CREB3L2: variants seen among roughly 807,000 people sequenced by gnomAD.
CREB3L2 encodes cyclic AMP-responsive element-binding protein 3-like protein 2.
In CREB3L2, 23 loss-of-function variants were observed where a neutral mutation model predicts 57.2. That is an observed-to-expected ratio of 0.40 (90% confidence interval 0.29 to 0.57). The LOEUF (loss-of-function observed/expected upper bound fraction) is 0.57, where lower values mean the gene tolerates loss of function less well. Ranked by LOEUF, CREB3L2 falls within the 20% of genes least tolerant of loss-of-function variation. CREB3L2 has a pLI of 0.42. For missense variants in CREB3L2, 628 were observed against 634.7 expected, an observed-to-expected ratio of 0.99 and a Z score of 0.11; for synonymous variants, 268 against 265.1, an observed-to-expected ratio of 1.01 and a Z score of -0.11.
chr7:137,948,660 A>C (rs924308680), intron 1 of CREB3L2, among the ~76,000 whole-genome samples: 2 of 152,242 alleles, frequency 1.3e-5, no homozygotes, highest in Non-Finnish European at 2.9e-5. Context: ...TGCTGGGCTC[A>C]CCATAAGACT....
At chr7:137,912,424 A>C (rs374665168) in intron 4 of CREB3L2, among the ~76,000 whole-genome samples, 1 of 152,204 alleles carries the variant, frequency 6.6e-6, no homozygotes. Context: ...TGTTAATTCT[A>C]AATGGATGGA....
chr7:137,919,014 A>AG (rs1294911206), intron 2 of CREB3L2, among the ~76,000 whole-genome samples: 1 of 152,188 alleles, frequency 6.6e-6, no homozygotes, highest in Non-Finnish European at 1.5e-5. Context: ...CATTTCCAAG[A>AG]GAGAAGCCCA....
At chr7:137,967,822 T>C (rs1801433621) in intron 1 of CREB3L2, among the ~76,000 whole-genome samples, 1 of 152,182 alleles carries the variant, frequency 6.6e-6, no homozygotes, top group African/African-American at 2.4e-5. Context: ...CTGCATGAAC[T>C]TCCAACCATC....
chr7:137,890,547 C>T (rs1227353428), intron 8 of CREB3L2, among the ~76,000 whole-genome samples: 1 of 152,332 alleles, frequency 6.6e-6, no homozygotes, highest in African/African-American at 2.4e-5. Flanking sequence ...TAGGCAGCTA[C>T]TCAGATGAAT....
At chr7:137,900,117 A>G (rs369068581) in intron 8 of CREB3L2, among the ~76,000 whole-genome samples, 4 of 152,142 alleles carry the variant, frequency 2.6e-5, no homozygotes, top group African/African-American at 9.7e-5. Context: ...ATTCTGGATG[A>G]AACTCCCCAA....
At chr7:137,964,801 G>C (rs1164098221) in intron 1 of CREB3L2, among the ~76,000 whole-genome samples, 1 of 152,124 alleles carries the variant, frequency 6.6e-6, no homozygotes, top group African/African-American at 2.4e-5. Flanking sequence ...GTTGTGGGAG[G>C]GACCTGGAAG....
intron 1 of CREB3L2, among the ~76,000 whole-genome samples, chr7:137,934,748 G>A (rs1056980413): frequency 6.6e-6 from 1 of 152,214 alleles, no homozygotes; most frequent in African/African-American, 2.4e-5. Context: ...CAATAAGGAT[G>A]GAGATACTTA....
chr7:137,954,268 A>G (rs1801163606), intron 1 of CREB3L2, among the ~76,000 whole-genome samples: 1 of 152,098 alleles, frequency 6.6e-6, no homozygotes, highest in Admixed American at 6.6e-5. Flanking sequence ...ATTTGGCTTG[A>G]ATTGTGTATT....
chr7:137,908,444 A>G lies in CREB3L2; in HGVS notation c.584-8T>C. ...GCAGGTGGTCCACTGGGGCTGCAAA[A>G]AAGGAAGCACATCTCATCCATCCCA... On this transcript the variant is annotated splice_polypyrimidine_tract_variant and splice_region_variant and intron_variant, in intron 4 of 11. Coordinates refer to ENST00000330387, the MANE Select transcript of CREB3L2 (RefSeq NM_194071.4). The G allele has an allele frequency of 7.9e-7, 1 of 1,260,374 alleles. No individual in the cohort carries two copies. The highest frequency in any genetic ancestry group is 1.0e-6 in the Non-Finnish European group (1 of 995,606). 78.1% of individuals were successfully genotyped at this position (1,260,374 alleles called of 1,614,324 possible). A position where few individuals can be genotyped will look rare whatever the true frequency, so the allele number is the denominator to read the frequency against.
intron 1 of CREB3L2, among the ~76,000 whole-genome samples, chr7:137,935,221 T>C (rs1007071261): frequency 5.9e-5 from 9 of 152,332 alleles, no homozygotes; most frequent in Admixed American, 1.3e-4. Context: ...AACTAAATAA[T>C]GCACGTAATA....
chr7:137,956,050 C>G (rs1270072524), intron 1 of CREB3L2, among the ~76,000 whole-genome samples: 1 of 152,164 alleles, frequency 6.6e-6, no homozygotes, highest in Non-Finnish European at 1.5e-5. Flanking sequence ...CACTTAATTT[C>G]AGGTCTCAGA....
chr7:137,946,992 A>ATATATAGTTATATATATATAGT (rs1801007778), intron 1 of CREB3L2, among the ~76,000 whole-genome samples: 1 of 128,944 alleles, frequency 7.8e-6, no homozygotes, highest in Non-Finnish European at 1.6e-5. Context: ...ATATAGTTAT[A>ATATATAGTTATATATATATAGT]TATATAGTTA....
At chr7:137,986,869 T>G (rs1408137407) in intron 1 of CREB3L2, among the ~76,000 whole-genome samples, 1 of 152,260 alleles carries the variant, frequency 6.6e-6, no homozygotes, top group African/African-American at 2.4e-5. Flanking sequence ...GCTACGTTTC[T>G]GCCCCTCTCT....
chr7:137,950,709 CTG>C (rs35163483), intron 1 of CREB3L2, among the ~76,000 whole-genome samples: 9,346 of 152,268 alleles, frequency 0.061, 526 homozygotes, highest in African/African-American at 0.15. Context: ...ATATCAGAAA[CTG>C]TGTCGTTGTA....
At chr7:137,910,577 A>C (rs1277968841) in intron 4 of CREB3L2, among the ~76,000 whole-genome samples, 4 of 152,024 alleles carry the variant, frequency 2.6e-5, no homozygotes, top group East Asian at 1.9e-4. Flanking sequence ...AAAAACAAAC[A>C]AACAAAAAAA....
chr7:137,921,008 T>C (rs1172516313), intron 2 of CREB3L2, among the ~76,000 whole-genome samples: 1 of 152,186 alleles, frequency 6.6e-6, no homozygotes, highest in Non-Finnish European at 1.5e-5. Flanking sequence ...ACTTTTGTAG[T>C]TTTACTTTAT....
At chr7:137,971,398 C>T (rs868865214) in intron 1 of CREB3L2, among the ~76,000 whole-genome samples, 5 of 150,492 alleles carry the variant, frequency 3.3e-5, no homozygotes, top group Middle Eastern at 3.4e-3. Context: ...TGCAGTGAGC[C>T]GAGATCGCGC....
At chr7:137,971,480 A>T (rs572157881) in intron 1 of CREB3L2, among the ~76,000 whole-genome samples, 1 of 150,430 alleles carries the variant, frequency 6.6e-6, no homozygotes, top group African/African-American at 2.4e-5. Context: ...GGATGGGGGG[A>T]GACATTGTAT....
At chr7:137,982,660 C>T (rs937230310) in intron 1 of CREB3L2, among the ~76,000 whole-genome samples, 1 of 152,158 alleles carries the variant, frequency 6.6e-6, no homozygotes, top group Non-Finnish European at 1.5e-5. Flanking sequence ...TGAGGCCTCC[C>T]CAGCCACGTG....
Sources: allele counts gnomAD v4.1 joint callset (sites outside exome capture counted in the v4.1 genomes callset), GRCh38; gene constraint gnomAD v4.1.1; transcripts MANE v1.5; gene names NCBI Gene and HGNC (gene_info 2026-07-23, HGNC 2026-07-21).